Variants in RAD51B observed in about 807,000 individuals in gnomAD.
RAD51B encodes the protein DNA repair protein RAD51 homolog 2.
In RAD51B, 38 loss-of-function variants were observed where a neutral mutation model predicts 42.2. The ratio of observed to expected loss-of-function variants is 0.90; its 90% CI spans 0.70 to 1.18. The LOEUF is 1.18. Ranked by LOEUF, RAD51B falls within the 50% of genes most tolerant of loss-of-function variation. The probability of loss-of-function intolerance (pLI) is 0.00; values close to 1 mark genes in which losing one functional copy is unlikely to be tolerated. For missense variants in RAD51B, 373 were observed against 400.7 expected, an observed-to-expected ratio of 0.93 and a Z score of 0.59; for synonymous variants, 154 against 145.2, an observed-to-expected ratio of 1.06 and a Z score of -0.43.
intron 10 of RAD51B, among the ~76,000 whole-genome samples, chr14:68,517,487 G>A (rs1044742194): frequency 1.3e-5 from 2 of 152,042 alleles, no homozygotes; most frequent in African/African-American, 4.8e-5. Context: ...TAACATCTTG[G>A]TATTATTATG....
intron 10 of RAD51B, among the ~76,000 whole-genome samples, chr14:68,649,042 G>A (rs2140137115): frequency 6.6e-6 from 1 of 152,284 alleles, no homozygotes; most frequent in Non-Finnish European, 1.5e-5. Context: ...ACATGAAGAG[G>A]TGGAGATCTT....
rs547176070 is a variant in RAD51B at position 68,419,994 on chromosome 14, C to T, written c.957+8467C>T. ...AAAGGAGTTAGCCTTTACTGAGTAC[C>T]TATGAGTTTGCAGGGATCATTTTTG... is the stretch of plus-strand genomic sequence containing the variant. On this transcript the variant is annotated intron_variant, in intron 9 of 10. Transcript: ENST00000471583. Among the ~76,000 whole-genome samples, 175 of 152,222 alleles carry T rather than the reference C, an allele frequency of 1.1e-3. 2 individuals are homozygous for T. The highest frequency in any genetic ancestry group is 7.7e-3 in the South Asian group (37 of 4,812).
exon 11 of RAD51B, chr14:68,594,937 A>T: frequency 9.2e-7 from 1 of 1,085,546 alleles, no homozygotes; most frequent in Non-Finnish European, 1.1e-6. Flanking sequence ...AGGGACGTGG[A>T]AACAGGAGGT....
At chr14:68,011,967 G>A (rs1019907210) in intron 7 of RAD51B, among the ~76,000 whole-genome samples, 9 of 152,048 alleles carry the variant, frequency 5.9e-5, no homozygotes, top group Non-Finnish European at 1.2e-4. Flanking sequence ...AATCACACTG[G>A]GCTGTCATGA....
At position 68,565,633 on chromosome 14, in the gene RAD51B, G is replaced by T. The variant is rs757185697; in HGVS notation, c.1037-28852G>T. Among the ~76,000 whole-genome samples, 6 of 152,252 alleles carry T rather than the reference G, an allele frequency of 3.9e-5. No homozygotes were observed. Among genetic ancestry groups the T allele is most frequent in the Non-Finnish European group, 7.3e-5 (5 of 68,040 alleles). On this transcript the variant is annotated intron_variant, in intron 10 of 10. Transcript: ENST00000487270. The surrounding 1 kb of genome is among the most constrained non-coding windows in gnomAD (Gnocchi z 4.1). ...ATACCAGGGAGAGCAGGCAGAGAAA[G>T]AGAGCTAATCTCCTTTACCCCATCC...
At chr14:68,193,077 C>T (rs919973645) in intron 7 of RAD51B, among the ~76,000 whole-genome samples, 1 of 152,068 alleles carries the variant, frequency 6.6e-6, no homozygotes, top group African/African-American at 2.4e-5. Flanking sequence ...AACTTTTCTT[C>T]TTCACTTGTT....
At chr14:68,515,778 C>T (rs954900599) in intron 10 of RAD51B, among the ~76,000 whole-genome samples, 47 of 113,336 alleles carry the variant, frequency 4.1e-4, no homozygotes, top group Non-Finnish European at 6.8e-4. Flanking sequence ...CTTTTCTTTT[C>T]TTTTTTTTTT....
intron 7 of RAD51B, among the ~76,000 whole-genome samples, chr14:68,155,115 G>T (rs1310853170): frequency 2.6e-5 from 4 of 152,026 alleles, no homozygotes; most frequent in Non-Finnish European, 4.4e-5. Context: ...TACTAGAATG[G>T]TAAGTTTTGT....
At chr14:68,603,382 C>T (rs1891303456) in intron 10 of RAD51B, among the ~76,000 whole-genome samples, 1 of 152,190 alleles carries the variant, frequency 6.6e-6, no homozygotes, top group Admixed American at 6.5e-5. Context: ...TAGCTCAGAA[C>T]ACTGACAGTG....
intron 7 of RAD51B, among the ~76,000 whole-genome samples, chr14:68,264,463 C>A (rs923140541): frequency 5.9e-5 from 9 of 152,286 alleles, no homozygotes; most frequent in African/African-American, 2.2e-4. Context: ...TTTTGAATGG[C>A]ATGGGGTTTG....
At chr14:68,396,776 T>C (rs1282949153) in intron 8 of RAD51B, among the ~76,000 whole-genome samples, 12 of 152,178 alleles carry the variant, frequency 7.9e-5, no homozygotes, top group Admixed American at 7.9e-4. Flanking sequence ...AATAAGAAAC[T>C]GAATATTATA....
At chr14:68,096,241 C>T (rs1566641897) in intron 7 of RAD51B, among the ~76,000 whole-genome samples, 1 of 152,148 alleles carries the variant, frequency 6.6e-6, no homozygotes, top group Non-Finnish European at 1.5e-5. Context: ...ATATTGACAC[C>T]TTTAAGCTGC....
intron 10 of RAD51B, among the ~76,000 whole-genome samples, chr14:68,587,959 G>T (rs970029849): frequency 6.6e-6 from 1 of 152,126 alleles, no homozygotes; most frequent in African/African-American, 2.4e-5. Flanking sequence ...ATAAACGCGG[G>T]CCTGGAACCT....
intron 7 of RAD51B, among the ~76,000 whole-genome samples, chr14:68,064,570 G>A (rs1380097110): frequency 2.6e-5 from 4 of 151,590 alleles, no homozygotes; most frequent in African/African-American, 9.7e-5. Flanking sequence ...TCTTTTTCTG[G>A]GATTCTCATA....
intron 4 of RAD51B, among the ~76,000 whole-genome samples, chr14:67,859,260 A>G (rs912027044): frequency 6.6e-6 from 1 of 152,212 alleles, no homozygotes. Flanking sequence ...GATTTAACAA[A>G]ATCAAAGTTC....
intron 10 of RAD51B, among the ~76,000 whole-genome samples, chr14:68,580,669 C>T (rs148537774): frequency 6.6e-6 from 1 of 152,308 alleles, no homozygotes; most frequent in Non-Finnish European, 1.5e-5. Context: ...CACGCCTGCC[C>T]CACACCTCCC....
chr14:68,592,735 A>C (rs1375502963), intron 10 of RAD51B, among the ~76,000 whole-genome samples: 2 of 152,242 alleles, frequency 1.3e-5, no homozygotes, highest in Non-Finnish European at 2.9e-5. Flanking sequence ...CTCTGGATGT[A>C]TTCTTATTGC....
At chr14:68,463,929 G>A (rs899551065) in intron 9 of RAD51B, among the ~76,000 whole-genome samples, 8 of 152,132 alleles carry the variant, frequency 5.3e-5, no homozygotes, top group Non-Finnish European at 1.0e-4. Flanking sequence ...TATAACCTGA[G>A]AACTTGCTAG....
At chr14:67,855,483 G>A (rs916562025) in intron 4 of RAD51B, among the ~76,000 whole-genome samples, 2 of 146,782 alleles carry the variant, frequency 1.4e-5, no homozygotes, top group Admixed American at 6.8e-5. Context: ...CTCGTGATTC[G>A]CCCACCTTGG....
Sources: allele counts gnomAD v4.1 joint callset (sites outside exome capture counted in the v4.1 genomes callset), GRCh38; gene constraint gnomAD v4.1.1; non-coding constraint Gnocchi (gnomAD v3.1); transcripts MANE v1.5; gene names NCBI Gene and HGNC (gene_info 2026-07-23, HGNC 2026-07-21).